Variants in TBCD observed in about 807,000 individuals in gnomAD.
TBCD encodes tubulin folding cofactor D, also known as tubulin-specific chaperone D.
In TBCD, 105 loss-of-function variants were observed where a neutral mutation model predicts 169.3. The ratio of observed to expected loss-of-function variants is 0.62; its 90% CI spans 0.53 to 0.73. TBCD has a LOEUF of 0.73. Among genes scored for constraint, TBCD ranks in the 30% least tolerant of loss-of-function variants. The pLI, the probability that TBCD is intolerant of heterozygous loss-of-function variation, is 0.00. For missense variants in TBCD, 1,444 were observed against 1,600.1 expected, an observed-to-expected ratio of 0.90 and a Z score of 1.66; for synonymous variants, 700 against 643.9, an observed-to-expected ratio of 1.09 and a Z score of -1.32.
intron 13 of TBCD, among the ~76,000 whole-genome samples, chr17:82,853,942 C>T (rs1042724755): frequency 1.3e-5 from 2 of 152,142 alleles, no homozygotes; most frequent in African/African-American, 4.8e-5. Flanking sequence ...GGCCCCCAAC[C>T]CAGTCCCATT....
intron 22 of TBCD, 64 bp downstream of exon 22, chr17:82,909,371 C>A: frequency 7.1e-7 from 1 of 1,399,390 alleles, no homozygotes; most frequent in Non-Finnish European, 9.8e-7. Context: ...CTGTCAGGAG[C>A]AGGCGGGGCG....
rs117049015 is a variant in TBCD at position 82,781,734 on chromosome 17, C to T, written c.771+13C>T. On this transcript the variant is annotated intron_variant, in intron 7 of 38. Transcript: ENST00000355528. ...GCTGCAGGCCCTGGTAAGTGCTGCC[C>T]GCAGGGGCTGTGGAGATCGCAGGGA... 2,433 of 1,612,948 alleles carry T rather than the reference C, an allele frequency of 1.5e-3. 31 individuals carry two copies. The East Asian group carries it at 0.018, about 12-fold the overall frequency.
intron 34 of TBCD, among the ~76,000 whole-genome samples, chr17:82,933,271 G>GCCTTT (rs1307513773): frequency 1.1e-4 from 9 of 81,620 alleles, no homozygotes; most frequent in South Asian, 1.0e-3. Context: ...TGTTGGGCCA[G>GCCTTT]TCTTTTTTTT....
At position 82,909,842 on chromosome 17, in the gene TBCD, C is replaced by T. The variant is rs191373676; in HGVS notation, c.2006+535C>T. 1.6e-3 allele frequency among the ~76,000 whole-genome samples: 239 copies of T among 152,372 alleles called. 2 individuals carry two copies. The highest frequency in any genetic ancestry group is 3.1e-3 in the East Asian group (16 of 5,192). Reference sequence around the variant, plus strand: ...GGCCTCCCCAACCCCGAGATCTGGCCGGGTGCCTCCCTGAGGGTTTCCCTC... The same window carrying T: ...GGCCTCCCCAACCCCGAGATCTGGCTGGGTGCCTCCCTGAGGGTTTCCCTC... On this transcript the variant is annotated intron_variant, in intron 22 of 38. Transcript: ENST00000355528.
At chr17:82,848,336 G>A (rs2055332254) in intron 13 of TBCD, among the ~76,000 whole-genome samples, 1 of 146,450 alleles carries the variant, frequency 6.8e-6, no homozygotes, top group Non-Finnish European at 1.5e-5. Context: ...TGCGGCTTCT[G>A]TGTTGAGAGG....
chr17:82,839,846 C>T (rs867969044), intron 13 of TBCD: 2 of 152,200 alleles, frequency 1.3e-5, no homozygotes, highest in Non-Finnish European at 2.9e-5. Context: ...GCAAACGCTG[C>T]GTTCAGCTGG....
At chr17:82,910,121 G>A (rs946088502) in intron 22 of TBCD, among the ~76,000 whole-genome samples, 2 of 152,260 alleles carry the variant, frequency 1.3e-5, no homozygotes, top group Non-Finnish European at 2.9e-5. Context: ...ACATCTAGAC[G>A]TACAAGTCTT....
rs911837421 is a variant in TBCD, at chr17:82,903,201, C to T, written c.1731-204C>T. ...TGTCCCAAGAAGAACCGTGGTTAGC[C>T]GTGTGACCTCGCTGTTGTAGACTGT... is the stretch of plus-strand genomic sequence containing the variant. On this transcript the variant is annotated intron_variant, in intron 18 of 38. Transcript: ENST00000355528. This position sits in a 1 kb window ranked among gnomAD's most constrained non-coding sequence, Gnocchi z 4.8. 2.0e-5 allele frequency among the ~76,000 whole-genome samples: 3 copies of T among 152,146 alleles called. No homozygotes were observed. The highest frequency in any genetic ancestry group is 2.9e-5 in the Non-Finnish European group (2 of 68,032).
intron 1 of TBCD, 27 bp from the exon 2 acceptor site, chr17:82,756,138 T>TA: frequency 6.3e-7 from 1 of 1,583,052 alleles, no homozygotes; most frequent in Non-Finnish European, 8.6e-7. Context: ...TAGTGATAAT[T>TA]AATTTTCATG....
chr17:82,771,935 A>C lies in TBCD; in HGVS notation c.583-517A>C, dbSNP rs1041295563. Reference sequence around the variant, plus strand: ...CAAGACTCCGTCTCAAAAAAAAAAAACAAAAACAAAAACAAAAAATATATA... The same window carrying C: ...CAAGACTCCGTCTCAAAAAAAAAAACCAAAAACAAAAACAAAAAATATATA... On this transcript the variant is annotated intron_variant, in intron 5 of 38. Transcript: ENST00000355528. Among the ~76,000 whole-genome samples the C allele has an allele frequency of 3.3e-5, 5 of 149,474 alleles. No homozygotes were observed. The East Asian group carries it at 5.9e-4, about 18-fold the overall frequency.
chr17:82,769,584 C>G (rs2048198199), intron 5 of TBCD, among the ~76,000 whole-genome samples: 1 of 152,148 alleles, frequency 6.6e-6, no homozygotes. Context: ...AATAATTTAA[C>G]CTATACATTG....
At chr17:82,824,473 G>A (rs1334595884) in intron 13 of TBCD, among the ~76,000 whole-genome samples, 2 of 151,654 alleles carry the variant, frequency 1.3e-5, no homozygotes, top group South Asian at 2.1e-4. Context: ...GTGAGCCACC[G>A]CGCCCGACCC....
At position 82,900,681 on chromosome 17, in the gene TBCD, G is replaced by A. The variant is rs373657801; in HGVS notation, c.1680G>A (p.Thr560=). 6.8e-6 allele frequency: 11 copies of A among 1,613,836 alleles called. No homozygotes were observed. Among genetic ancestry groups the A allele is most frequent in the South Asian group, 5.5e-5 (5 of 91,084 alleles). The change falls in exon 18 of 39, where the codon ACG becomes ACA. Residue 560 remains threonine, a synonymous_variant. Coordinates refer to ENST00000355528, the MANE Select transcript of TBCD (RefSeq NM_005993.5). ...SVFIAGFPEY[T]QPMIDHLVTM... ...TTATTGCCGGCTTTCCTGAGTACAC[G>A]CAGCCAATGATAGACCACCTGGTTA...
chr17:82,793,107 A>AAG, intron 7 of TBCD, among the ~76,000 whole-genome samples: 1 of 152,348 alleles, frequency 6.6e-6, no homozygotes, highest in East Asian at 1.9e-4. Context: ...AAAATTCTTT[A>AAG]TAATTTGTCA....
intron 13 of TBCD, chr17:82,859,884 C>T (rs1567905823): frequency 2.0e-6 from 2 of 985,324 alleles, no homozygotes; most frequent in Non-Finnish European, 2.4e-6. Context: ...GGGTTGGAGA[C>T]AGGGAGCAGG....
chr17:82,801,631 AGCGTG>A (rs1568155706), intron 9 of TBCD, among the ~76,000 whole-genome samples: 3 of 78,418 alleles, frequency 3.8e-5, no homozygotes, highest in Admixed American at 1.6e-4. Context: ...GCTCAGAGTC[AGCGTG>A]GCAGGAGGGC....
At chr17:82,773,531 G>T (rs1351129225) in intron 6 of TBCD, among the ~76,000 whole-genome samples, 1 of 152,094 alleles carries the variant, frequency 6.6e-6, no homozygotes, top group Non-Finnish European at 1.5e-5. Flanking sequence ...ATCCCATGGG[G>T]GTGTGATGGC....
At chr17:82,830,887 G>A (rs751560778) in intron 13 of TBCD, 1 of 1,612,618 alleles carries the variant, frequency 6.2e-7, no homozygotes, top group Non-Finnish European at 8.5e-7. Context: ...GCTAGAAGAA[G>A]CCAAGAAAAA....
At chr17:82,941,511 G>GT in intron 38 of TBCD, 28 bp downstream of exon 38, 1 of 1,555,964 alleles carries the variant, frequency 6.4e-7, no homozygotes, top group Non-Finnish European at 8.7e-7. Flanking sequence ...ACAGCATGAG[G>GT]TGCCTGTGCT....
Sources: allele counts gnomAD v4.1 joint callset (sites outside exome capture counted in the v4.1 genomes callset), GRCh38; gene constraint gnomAD v4.1.1; non-coding constraint Gnocchi (gnomAD v3.1); transcripts MANE v1.5; gene names NCBI Gene and HGNC (gene_info 2026-07-23, HGNC 2026-07-21).